Variants in STAT5B observed in about 807,000 individuals in gnomAD.
STAT5B encodes the protein transcription factor STAT5B.
Under a neutral mutation model 107.8 loss-of-function variants are expected in STAT5B, and 21 were observed. The ratio of observed to expected loss-of-function variants is 0.19; its 90% CI spans 0.14 to 0.28. The LOEUF (loss-of-function observed/expected upper bound fraction) is 0.28, where lower values mean the gene tolerates loss of function less well. Among genes scored for constraint, STAT5B ranks in the 10% least tolerant of loss-of-function variants. The pLI is 1.00. For synonymous variants in STAT5B, 325 were observed against 401.7 expected, an observed-to-expected ratio of 0.81 and a Z score of 2.28; for missense variants, 565 against 1,008.2, an observed-to-expected ratio of 0.56 and a Z score of 5.95.
At chr17:42,280,800 G>T (rs1277489931), upstream of STAT5B, among the ~76,000 whole-genome samples, 3 of 152,166 alleles carry the variant, frequency 2.0e-5, no homozygotes, top group Non-Finnish European at 4.4e-5. Flanking sequence ...AGCATTGGTG[G>T]TGAAAAGTTA....
chr17:42,232,115 T>A lies in STAT5B; in HGVS notation c.13A>T (p.Ile5Leu), dbSNP rs376041480. MAVWIQAQQLQGEAL... is the reference protein window; with the variant it reads MAVWLQAQQLQGEAL... ...TCTCCTTGGAGCTGCTGAGCTTGTATCCACACAGCCATGGTTTACAATCTG... is the reference window on the plus strand; with the variant it reads ...TCTCCTTGGAGCTGCTGAGCTTGTAACCACACAGCCATGGTTTACAATCTG... Residue 5 changes from isoleucine (I) to leucine (L), a missense_variant, in exon 2 of 19, where the codon ATA becomes TTA. Coordinates refer to ENST00000293328, the MANE Select transcript of STAT5B (RefSeq NM_012448.4). 2.1e-5 allele frequency: 34 copies of A among 1,614,156 alleles called. No homozygotes were observed. In the African/African-American group the frequency reaches 4.4e-4, roughly 21 times the overall value.
At chr17:42,240,346 T>C (rs144940223) in intron 1 of STAT5B, among the ~76,000 whole-genome samples, 1 of 152,204 alleles carries the variant, frequency 6.6e-6, no homozygotes, top group African/African-American at 2.4e-5. Context: ...TGACGCATGC[T>C]ACAGTGTGGA....
chr17:42,262,455 G>A (rs1451241462), intron 1 of STAT5B, among the ~76,000 whole-genome samples: 2 of 150,766 alleles, frequency 1.3e-5, no homozygotes, highest in East Asian at 1.9e-4. Context: ...TAAATCTCTG[G>A]TATTAGGAAT....
At chr17:42,217,114 C>T in intron 11 of STAT5B, 46 bp downstream of exon 11, 1 of 1,587,422 alleles carries the variant, frequency 6.3e-7, no homozygotes, top group Non-Finnish European at 8.6e-7. Flanking sequence ...AAGTACACCA[C>T]ACACACACAC....
chr17:42,206,708 TG>T (rs2080088035), intron 16 of STAT5B, among the ~76,000 whole-genome samples: 1 of 151,712 alleles, frequency 6.6e-6, no homozygotes, highest in Non-Finnish European at 1.5e-5. Flanking sequence ...CCCGAGTAGC[TG>T]GGATTACAGG....
chr17:42,210,053 AT>A, intron 15 of STAT5B, 117 bp downstream of exon 15: 1 of 1,462,412 alleles, frequency 6.8e-7, no homozygotes, highest in South Asian at 1.2e-5. Context: ...CTATACATTT[AT>A]GTTTCCCATA....
At chr17:42,269,015 TA>T (rs1416399765) in intron 1 of STAT5B, among the ~76,000 whole-genome samples, 1 of 152,202 alleles carries the variant, frequency 6.6e-6, no homozygotes, top group Non-Finnish European at 1.5e-5. Flanking sequence ...TTAGATTTTT[TA>T]AAATCCCACT....
intron 1 of STAT5B, among the ~76,000 whole-genome samples, chr17:42,248,814 CAG>C (rs2080474597): frequency 6.6e-6 from 1 of 152,234 alleles, no homozygotes; most frequent in South Asian, 2.1e-4. Context: ...ACAGACCAAA[CAG>C]AAAGCAGCGA....
intron 1 of STAT5B, among the ~76,000 whole-genome samples, chr17:42,240,815 C>A (rs2080395738): frequency 6.6e-6 from 1 of 152,056 alleles, no homozygotes; most frequent in African/African-American, 2.4e-5. Flanking sequence ...TACTTTTCTG[C>A]CTGTTTGTTA....
intron 1 of STAT5B, among the ~76,000 whole-genome samples, chr17:42,265,132 C>T (rs1192517929): frequency 2.1e-5 from 3 of 145,354 alleles, no homozygotes; most frequent in Non-Finnish European, 4.5e-5. Flanking sequence ...GAGTAGGTTG[C>T]GAAAATTTTC....
intron 1 of STAT5B, among the ~76,000 whole-genome samples, chr17:42,249,776 T>C (rs2080482663): frequency 6.6e-6 from 1 of 152,122 alleles, no homozygotes; most frequent in African/African-American, 2.4e-5. Flanking sequence ...TCCTCTTGTC[T>C]CAGTCTCCTG....
the STAT5B span, among the ~76,000 whole-genome samples, chr17:42,283,689 C>T: frequency 2.0e-4 from 30 of 152,234 alleles, no homozygotes; most frequent in African/African-American, 6.5e-4. Flanking sequence ...ACCCAAGCTC[C>T]GGCAGCTCCT....
intron 11 of STAT5B, among the ~76,000 whole-genome samples, chr17:42,216,419 T>C (rs1202454917): frequency 3.9e-5 from 6 of 152,214 alleles, no homozygotes; most frequent in African/African-American, 1.4e-4. Context: ...AAATAACAAA[T>C]TTAAAACTTA....
At chr17:42,275,887 T>C (rs2080760770) in intron 1 of STAT5B, among the ~76,000 whole-genome samples, 1 of 151,884 alleles carries the variant, frequency 6.6e-6, no homozygotes, top group South Asian at 2.1e-4. Flanking sequence ...AATTGCAACG[T>C]GAAGGTGTGA....
At chr17:42,270,368 A>G (rs1336302359) in intron 1 of STAT5B, 2 of 152,220 alleles carry the variant, frequency 1.3e-5, no homozygotes, top group African/African-American at 2.4e-5. Flanking sequence ...TTGAGTTCTC[A>G]GTACAGACGT....
chr17:42,217,125 G>A (rs371093997), intron 11 of STAT5B, 35 bp downstream of exon 11: 65 of 1,592,014 alleles, frequency 4.1e-5, no homozygotes, highest in Admixed American at 8.7e-5. Flanking sequence ...ACACACACAC[G>A]CACACGCACA....
intron 1 of STAT5B, among the ~76,000 whole-genome samples, chr17:42,261,759 C>T (rs1166004244): frequency 6.6e-6 from 1 of 152,074 alleles, no homozygotes; most frequent in Non-Finnish European, 1.5e-5. Flanking sequence ...GAGGTTTCAC[C>T]ATGTTGCCCA....
chr17:42,215,056 T>C (rs769836986), intron 12 of STAT5B, among the ~76,000 whole-genome samples: 1 of 152,180 alleles, frequency 6.6e-6, no homozygotes, highest in African/African-American at 2.4e-5. Flanking sequence ...ATGAGATCTT[T>C]AAAATGCTCA....
Position 42,210,797 on chromosome 17 carries a change from T to C in STAT5B, c.1681-300A>G, listed in dbSNP as rs1410215187. 2.0e-5 allele frequency among the ~76,000 whole-genome samples: 3 copies of C among 152,194 alleles called. No individual in the cohort carries two copies. In the East Asian group the frequency reaches 5.8e-4, roughly 29 times the overall value. On this transcript the variant is annotated intron_variant, in intron 13 of 18. Coordinates refer to ENST00000293328, the MANE Select transcript of STAT5B (RefSeq NM_012448.4). The stretch of plus-strand genomic sequence containing the variant: ...GATGTGTGGTCTGTGACCAGAAGCA[T>C]CAGTGTCACCTGGGAGCTTCTGAGA...
Sources: allele counts gnomAD v4.1 joint callset (sites outside exome capture counted in the v4.1 genomes callset), GRCh38; gene constraint gnomAD v4.1.1; transcripts MANE v1.5; gene names NCBI Gene and HGNC (gene_info 2026-07-23, HGNC 2026-07-21).